Variants in SCAMP1 observed in about 807,000 individuals in gnomAD.
SCAMP1 encodes the protein secretory carrier-associated membrane protein 1.
A neutral mutation model predicts 41.8 loss-of-function variants in SCAMP1; 15 were observed. The observed-to-expected ratio is 0.36, with a 90% confidence interval of 0.24 to 0.55. The LOEUF is 0.55. Among genes scored for constraint, SCAMP1 ranks in the 20% least tolerant of loss-of-function variants. The probability of loss-of-function intolerance (pLI) is 0.86; values close to 1 mark genes in which losing one functional copy is unlikely to be tolerated. For missense variants in SCAMP1, 341 were observed against 412.6 expected, an observed-to-expected ratio of 0.83 and a Z score of 1.50; for synonymous variants, 135 against 136.8, an observed-to-expected ratio of 0.99 and a Z score of 0.09.
intron 6 of SCAMP1, among the ~76,000 whole-genome samples, chr5:78,433,658 C>T (rs978025085): frequency 1.3e-5 from 2 of 152,194 alleles, no homozygotes; most frequent in Non-Finnish European, 2.9e-5. Context: ...CCATTAGCTT[C>T]GGGTTTCCCC....
intron 6 of SCAMP1, among the ~76,000 whole-genome samples, chr5:78,441,082 TC>T (rs2112188550): frequency 6.6e-6 from 1 of 152,290 alleles, no homozygotes; most frequent in East Asian, 1.9e-4. Context: ...GGTGGAAGTG[TC>T]CCGATTTTCC....
chr5:78,380,230 G>A (rs1031434540), intron 1 of SCAMP1, among the ~76,000 whole-genome samples: 2 of 152,164 alleles, frequency 1.3e-5, no homozygotes, highest in African/African-American at 4.8e-5. Flanking sequence ...TATTTAGGTT[G>A]CTTCCAGTCG....
rs1561290939 is a variant in SCAMP1 at position 78,469,913 on chromosome 5, C to CA, written c.853-5572dup. On this transcript the variant is annotated intron_variant, in intron 8 of 8. Transcript: ENST00000621999. ...ATTAAAAAAAAAAAAAAAAAAAAAA[C>CA]AAAAAAAAAAAAAAAAAAACAACAA... is the stretch of plus-strand genomic sequence containing the variant. Among the ~76,000 whole-genome samples, 36 of 23,214 alleles carry CA rather than the reference C, an allele frequency of 1.6e-3. 1 individual carries two copies. The highest frequency in any genetic ancestry group is 3.2e-3 in the East Asian group (2 of 626). The allele number at this position is 23,214 out of a possible 152,430, so 15.2% of individuals were successfully genotyped here.
At chr5:78,425,969 TG>T (rs1752460587) in intron 6 of SCAMP1, among the ~76,000 whole-genome samples, 2 of 107,366 alleles carry the variant, frequency 1.9e-5, no homozygotes, top group East Asian at 5.4e-4. Context: ...TGACAGGCCC[TG>T]GTTTGTGATG....
rs533241409 is a variant in SCAMP1 at position 78,402,039 on chromosome 5, G to A, written c.135+13125G>A. 4.0e-5 allele frequency among the ~76,000 whole-genome samples: 6 copies of A among 151,842 alleles called. No homozygotes were observed. The South Asian group carries it at 1.2e-3, about 32-fold the overall frequency. On this transcript the variant is annotated intron_variant, in intron 2 of 8. Transcript: ENST00000621999. ...AGATGTACATTTTTTTTTCCACTTA[G>A]CTCAAAATACTTTAAAATTTCTCTT...
At chr5:78,430,184 T>TTGTTTATAAATACTG (rs1561272910) in intron 6 of SCAMP1, among the ~76,000 whole-genome samples, 2 of 57,214 alleles carry the variant, frequency 3.5e-5, no homozygotes, top group Admixed American at 1.9e-4. Context: ...AATACAGTAT[T>TTGTTTATAAATACTG]TATTTATAAA....
In SCAMP1 at chr5:78,479,687, C is replaced by T. The variant is rs755721949; in HGVS notation, c.*4019C>T. ...AAAGACTGTTCTCCAGTTTTCTCACCCCCGCTGTGGGTTTTATATTTACAA... is the reference window on the plus strand; with the variant it reads ...AAAGACTGTTCTCCAGTTTTCTCACTCCCGCTGTGGGTTTTATATTTACAA... On this transcript the variant is annotated 3_prime_UTR_variant, in exon 9 of 9. Coordinates refer to ENST00000621999, the MANE Select transcript of SCAMP1 (RefSeq NM_004866.6). 9.2e-5 allele frequency among the ~76,000 whole-genome samples: 14 copies of T among 152,064 alleles called. No homozygotes were observed. The highest frequency in any genetic ancestry group is 4.4e-5 in the Non-Finnish European group (3 of 68,020).
intron 2 of SCAMP1, among the ~76,000 whole-genome samples, chr5:78,413,696 G>C (rs755127413): frequency 6.6e-6 from 1 of 152,212 alleles, no homozygotes; most frequent in Non-Finnish European, 1.5e-5. Flanking sequence ...GGGATTACAA[G>C]TGTGAGCCTC....
At chr5:78,380,971 C>A (rs573592315) in intron 1 of SCAMP1, among the ~76,000 whole-genome samples, 25 of 152,024 alleles carry the variant, frequency 1.6e-4, no homozygotes, top group Admixed American at 1.4e-3. Context: ...GAGACTGAGG[C>A]AGGAGAATCA....
intron 1 of SCAMP1, among the ~76,000 whole-genome samples, chr5:78,363,068 A>G (rs1429380290): frequency 1.3e-5 from 2 of 150,530 alleles, no homozygotes; most frequent in Non-Finnish European, 3.0e-5. Context: ...AATTCTTTGT[A>G]TTTTTAGTAG....
chr5:78,461,148 G>A (rs1753601451), intron 8 of SCAMP1, among the ~76,000 whole-genome samples: 1 of 152,092 alleles, frequency 6.6e-6, no homozygotes. Context: ...CGCCCAGCCT[G>A]TTTAGTGTTT....
chr5:78,449,915 T>A lies in SCAMP1; in HGVS notation c.633-18T>A. The A allele has an allele frequency of 1.4e-6, 2 of 1,379,922 alleles. No homozygotes were observed. Among genetic ancestry groups the A allele is most frequent in the Non-Finnish European group, 2.0e-6 (2 of 1,011,844 alleles). The allele number at this position is 1,379,922 out of a possible 1,614,324, so 85.5% of individuals were successfully genotyped here. A position where few individuals can be genotyped will look rare whatever the true frequency, so the allele number is the denominator to read the frequency against. On this transcript the variant is annotated intron_variant, in intron 6 of 8. Coordinates refer to ENST00000621999, the MANE Select transcript of SCAMP1 (RefSeq NM_004866.6). Reference sequence around the variant, plus strand: ...CCCCTAACCCCCTTTTTTCTTTCTTTCTTTTTTTTTTTCAAAGGAGTGACA... The same window carrying A: ...CCCCTAACCCCCTTTTTTCTTTCTTACTTTTTTTTTTTCAAAGGAGTGACA...
intron 5 of SCAMP1, among the ~76,000 whole-genome samples, chr5:78,420,968 A>G (rs1055989869): frequency 2.6e-5 from 4 of 152,218 alleles, no homozygotes; most frequent in Non-Finnish European, 5.9e-5. Context: ...TTTAGCTTAT[A>G]TAAGAATGTA....
At chr5:78,430,075 TATAA>T (rs1472173750) in intron 6 of SCAMP1, among the ~76,000 whole-genome samples, 4 of 111,284 alleles carry the variant, frequency 3.6e-5, no homozygotes, top group Admixed American at 8.6e-5. Flanking sequence ...AGTATTTATT[TATAA>T]ATACAGTATT....
At chr5:78,459,467 T>C (rs550657763) in intron 8 of SCAMP1, 105 bp downstream of exon 8, 179 of 626,154 alleles carry the variant, frequency 2.9e-4, no homozygotes, top group South Asian at 4.1e-5. Flanking sequence ...TTTATCGTTA[T>C]TGTATGAGTT....
In SCAMP1 at chr5:78,453,013, C is replaced by T. The variant is rs1038672610; in HGVS notation, c.734+2979C>T. 4.1e-5 allele frequency among the ~76,000 whole-genome samples: 6 copies of T among 147,206 alleles called. No homozygotes were observed. In the East Asian group the frequency reaches 9.9e-4, roughly 24 times the overall value. ...GAGAAGTGTCTGTTCATGTCCTTCGCCCACTTTTTGATGGGGTTGTTTGTT... is the reference window on the plus strand; with the variant it reads ...GAGAAGTGTCTGTTCATGTCCTTCGTCCACTTTTTGATGGGGTTGTTTGTT... On this transcript the variant is annotated intron_variant, in intron 7 of 8. Transcript: ENST00000621999.
intron 8 of SCAMP1, among the ~76,000 whole-genome samples, chr5:78,461,338 G>A (rs1753608264): frequency 6.6e-6 from 1 of 152,118 alleles, no homozygotes; most frequent in African/African-American, 2.4e-5. Context: ...AATCCATCTT[G>A]AGTTAATTTT....
At chr5:78,437,651 C>G (rs1224584518) in intron 6 of SCAMP1, among the ~76,000 whole-genome samples, 1 of 152,222 alleles carries the variant, frequency 6.6e-6, no homozygotes, top group East Asian at 1.9e-4. Context: ...CGATGTTCAT[C>G]AGGGATATTG....
At chr5:78,391,254 C>G (rs1270235410) in intron 2 of SCAMP1, among the ~76,000 whole-genome samples, 15 of 151,448 alleles carry the variant, frequency 9.9e-5, no homozygotes, top group Admixed American at 3.9e-4. Context: ...CCTCACCTCC[C>G]GGACGGGGCA....
Sources: gnomAD v4.1 joint callset for allele counts (sites outside exome capture counted in the v4.1 genomes callset) on GRCh38, gnomAD v4.1.1 for gene constraint, MANE v1.5 for transcripts, NCBI Gene and HGNC (gene_info 2026-07-23, HGNC 2026-07-21) for gene names.